PLEKHA8: variants seen among roughly 807,000 people sequenced by gnomAD.
PLEKHA8 encodes pleckstrin homology domain containing A8.
Under a neutral mutation model 68.2 loss-of-function variants are expected in PLEKHA8, and 36 were observed. The ratio of observed to expected loss-of-function variants is 0.53; its 90% confidence interval spans 0.40 to 0.70. PLEKHA8 has a LOEUF of 0.70. Among genes scored for constraint, PLEKHA8 ranks in the 30% least tolerant of loss-of-function variants. PLEKHA8 has a pLI of 0.00. For synonymous variants in PLEKHA8, 211 were observed against 216.1 expected, an observed-to-expected ratio of 0.98 and a Z score of 0.20; for missense variants, 505 against 615.4, an observed-to-expected ratio of 0.82 and a Z score of 1.90.
chr7:30,094,895 T>C (rs1390176243), downstream of PLEKHA8, among the ~76,000 whole-genome samples: 1 of 152,196 alleles, frequency 6.6e-6, no homozygotes, highest in Non-Finnish European at 1.5e-5. Context: ...ATGGTGTATA[T>C]GTGCCACATT....
chr7:30,068,513 C>G (rs1326903019), intron 12 of PLEKHA8, among the ~76,000 whole-genome samples: 1 of 152,172 alleles, frequency 6.6e-6, no homozygotes, highest in African/African-American at 2.4e-5. Flanking sequence ...GTTTGATATC[C>G]TTCTCTGTGA....
intron 13 of PLEKHA8, among the ~76,000 whole-genome samples, chr7:30,110,328 T>C (rs1324390585): frequency 1.3e-5 from 2 of 152,252 alleles, no homozygotes; most frequent in Admixed American, 1.3e-4. Context: ...GATTCATCCA[T>C]AGTGTAGTAT....
rs535121163 is a variant in PLEKHA8 at position 30,074,582 on chromosome 7, TGAAGGGAAATGA to T, written c.1362+451_1362+462del. On this transcript the variant is annotated intron_variant, in intron 13 of 13. Transcript: ENST00000449726. ...AGCAGTGATCCTAAATACTTATCAT[TGAAGGGAAATGA>T]TGCATTCAGGTGATGAAGTCAACCT... Among the ~76,000 whole-genome samples the T allele has an allele frequency of 2.8e-3, 427 of 152,284 alleles. 3 individuals carry two copies. The highest frequency in any genetic ancestry group is 4.6e-3 in the Non-Finnish European group (315 of 68,010).
At chr7:30,095,806 G>C (rs1038933335) in intron 13 of PLEKHA8, among the ~76,000 whole-genome samples, 22 of 152,114 alleles carry the variant, frequency 1.4e-4, no homozygotes, top group Admixed American at 3.9e-4. Context: ...TCTTGTTTTT[G>C]TCAGGTTTGT....
rs1391690065 is a variant in PLEKHA8, at chr7:30,039,056, AT to A, written c.41-6023del. The stretch of plus-strand genomic sequence containing the variant: ...TGAACTGAAAAGTCCTTTGGCTAAG[AT>A]TTTTTAAAAGTAAATTTTACACAGT... On this transcript the variant is annotated intron_variant, in intron 1 of 13. Coordinates refer to ENST00000449726, the MANE Select transcript of PLEKHA8 (RefSeq NM_001197026.2). Among the ~76,000 whole-genome samples the A allele has an allele frequency of 3.3e-5, 5 of 152,340 alleles. No homozygotes were observed. The East Asian group carries it at 9.6e-4, about 29-fold the overall frequency.
chr7:30,037,479 G>A (rs2127962987), intron 1 of PLEKHA8, among the ~76,000 whole-genome samples: 1 of 152,234 alleles, frequency 6.6e-6, no homozygotes, highest in East Asian at 1.9e-4. Context: ...AAAGATGGGA[G>A]TTTTCTGTTA....
chr7:30,093,107 T>C (rs2128006770), downstream of PLEKHA8, among the ~76,000 whole-genome samples: 1 of 152,262 alleles, frequency 6.6e-6, no homozygotes. Flanking sequence ...TATTTTACAG[T>C]GGGGTTAACA....
At chr7:30,072,825 C>A (rs1416426722) in intron 12 of PLEKHA8, among the ~76,000 whole-genome samples, 1 of 152,118 alleles carries the variant, frequency 6.6e-6, no homozygotes, top group Non-Finnish European at 1.5e-5. Flanking sequence ...GGTCAAATAG[C>A]CCCCATGGTA....
At chr7:30,101,840 A>G (rs1465120175) in intron 13 of PLEKHA8, among the ~76,000 whole-genome samples, 1 of 152,222 alleles carries the variant, frequency 6.6e-6, no homozygotes, top group Non-Finnish European at 1.5e-5. Context: ...GTTCTCAAAT[A>G]GATCTCAAGG....
chr7:30,119,163 G>A (rs17158629), intron 13 of PLEKHA8, among the ~76,000 whole-genome samples: 3,318 of 152,278 alleles, frequency 0.022, 50 homozygotes, highest in East Asian at 0.041. Context: ...AGTCACTACG[G>A]GACCTATCCC....
In PLEKHA8 at chr7:30,080,963, T is replaced by C. The variant is rs559516829; in HGVS notation, c.*2176T>C. 5 of 985,432 alleles carry C rather than the reference T, an allele frequency of 5.1e-6. No homozygotes were observed. The East Asian group carries it at 5.7e-4, about 112-fold the overall frequency. The allele number at this position is 985,432 out of a possible 1,614,324, so 61.0% of individuals were successfully genotyped here. A position where few individuals can be genotyped will look rare whatever the true frequency, so the allele number is the denominator to read the frequency against. ...CAGTGTGATCATTCTAAACAGCTGC[T>C]GGTGCTCCCTGTCACCTCAGGTGAA... On this transcript the variant is annotated 3_prime_UTR_variant, in exon 14 of 14. Transcript: ENST00000449726.
At position 30,081,682 on chromosome 7, in the gene PLEKHA8, GATT is replaced by G. The variant is rs1161285618; in HGVS notation, c.*2899_*2901del. 4 of 985,136 alleles carry G rather than the reference GATT, an allele frequency of 4.1e-6. No homozygotes were observed. Among genetic ancestry groups the G allele is most frequent in the Admixed American group, 6.2e-5 (1 of 16,258 alleles). The allele number at this position is 985,136 out of a possible 1,614,324, so 61.0% of individuals were successfully genotyped here. On this transcript the variant is annotated 3_prime_UTR_variant, in exon 14 of 14. Transcript: ENST00000449726. ...TTCTCATCGCTCAAAGCATTTTTAG[GATT>G]ATTTTTCTAGCGTAACCTTTAGAGA...
chr7:30,057,792 A>G (rs2127985275), intron 9 of PLEKHA8, among the ~76,000 whole-genome samples: 1 of 152,292 alleles, frequency 6.6e-6, no homozygotes, highest in South Asian at 2.1e-4. Flanking sequence ...AAATTGCTCT[A>G]AACATTTTTG....
intron 4 of PLEKHA8, 102 bp from the exon 5 acceptor site, chr7:30,049,122 T>A (rs1217905188): frequency 7.4e-7 from 1 of 1,353,664 alleles, no homozygotes. Context: ...AGCAGGTGGG[T>A]ACATTATTAT....
At chr7:30,107,088 G>A (rs1796087445) in intron 13 of PLEKHA8, among the ~76,000 whole-genome samples, 1 of 152,034 alleles carries the variant, frequency 6.6e-6, no homozygotes, top group Non-Finnish European at 1.5e-5. Context: ...AATATTTATT[G>A]AAATTATACT....
At chr7:30,115,838 G>A (rs1229316784) in intron 13 of PLEKHA8, 1 of 146,760 alleles carries the variant, frequency 6.8e-6, no homozygotes, top group Non-Finnish European at 1.5e-5. Flanking sequence ...GCACATACAT[G>A]TATACACGTA....
intron 5 of PLEKHA8, 115 bp from the exon 6 acceptor site, chr7:30,050,319 C>G: frequency 7.5e-7 from 1 of 1,339,690 alleles, no homozygotes; most frequent in Non-Finnish European, 9.9e-7. Context: ...TTTAGTGGGG[C>G]TAGTGTATTT....
Position 30,084,158 on chromosome 7 carries a change from G to A in PLEKHA8, c.*5371G>A, listed in dbSNP as rs1583451226. 1 of 985,210 alleles carries A rather than the reference G, an allele frequency of 1.0e-6. No individual in the cohort carries two copies. Among genetic ancestry groups the A allele is most frequent in the Non-Finnish European group, 1.2e-6 (1 of 829,716 alleles). 61.0% of individuals were successfully genotyped at this position (985,210 alleles called of 1,614,324 possible). A position where few individuals can be genotyped will look rare whatever the true frequency, so the allele number is the denominator to read the frequency against. On this transcript the variant is annotated 3_prime_UTR_variant, in exon 14 of 14. Transcript: ENST00000449726. ...TGGTTAATAGACTTAACAAATTAAT[G>A]TCTACATAAAGAAGAAACATGATAG...
chr7:30,095,460 T>G (rs949540693), downstream of PLEKHA8, among the ~76,000 whole-genome samples: 6 of 152,370 alleles, frequency 3.9e-5, no homozygotes, highest in African/African-American at 1.4e-4. Flanking sequence ...AAAAATTTTC[T>G]CCCATTCTGT....
Sources: allele counts gnomAD v4.1 joint callset (sites outside exome capture counted in the v4.1 genomes callset), GRCh38; gene constraint gnomAD v4.1.1; transcripts MANE v1.5; gene names NCBI Gene and HGNC (gene_info 2026-07-23, HGNC 2026-07-21).